Variants in LRRIQ3 observed in about 807,000 individuals in gnomAD.
LRRIQ3 encodes leucine rich repeats and IQ motif containing 3, also known as leucine-rich repeat and IQ domain-containing protein 3.
In LRRIQ3, 75 loss-of-function variants were observed where a neutral mutation model predicts 59.3. The observed-to-expected ratio is 1.26, with a 90% CI of 1.05 to 1.53. LRRIQ3 has a LOEUF of 1.53. LRRIQ3 is among the 40% of genes most tolerant of loss of function. The pLI is 0.00. For missense variants in LRRIQ3, 831 were observed against 710.0 expected, an observed-to-expected ratio of 1.17 and a Z score of -1.94; for synonymous variants, 250 against 231.3, an observed-to-expected ratio of 1.08 and a Z score of -0.73.
intron 6 of LRRIQ3, among the ~76,000 whole-genome samples, chr1:74,064,924 T>C (rs922223862): frequency 5.9e-5 from 9 of 152,114 alleles, no homozygotes; most frequent in African/African-American, 2.2e-4. Flanking sequence ...TTTGTATTTA[T>C]CTTATTTGGA....
chr1:74,028,932 T>G (rs1220737015), intron 7 of LRRIQ3, among the ~76,000 whole-genome samples: 1 of 151,976 alleles, frequency 6.6e-6, no homozygotes, highest in Non-Finnish European at 1.5e-5. Flanking sequence ...ATCTTGCACA[T>G]GTAATTAAGG....
chr1:74,043,553 C>T (rs1654112337), intron 6 of LRRIQ3, among the ~76,000 whole-genome samples: 1 of 152,130 alleles, frequency 6.6e-6, no homozygotes, highest in Non-Finnish European at 1.5e-5. Flanking sequence ...GAAATAAACA[C>T]TAAATATGTG....
intron 1 of LRRIQ3, among the ~76,000 whole-genome samples, chr1:74,197,219 AAG>A (rs1651235585): frequency 6.6e-6 from 1 of 152,218 alleles, no homozygotes; most frequent in African/African-American, 2.4e-5. Flanking sequence ...AATTTATGAC[AAG>A]AGTTTATGGT....
chr1:74,131,221 A>G (rs1369853528), intron 4 of LRRIQ3, among the ~76,000 whole-genome samples: 1 of 152,124 alleles, frequency 6.6e-6, no homozygotes, highest in Non-Finnish European at 1.5e-5. Context: ...TCTGAAATTG[A>G]GGTAATAATT....
chr1:74,105,492 A>G (rs912165339), intron 5 of LRRIQ3, among the ~76,000 whole-genome samples: 1 of 151,868 alleles, frequency 6.6e-6, no homozygotes, highest in Admixed American at 6.6e-5. Flanking sequence ...GCCTCAATTA[A>G]TCTATCCACC....
rs554240314 is a variant in LRRIQ3, at chr1:74,086,240, C to T, written c.868-11450G>A. The stretch of plus-strand genomic sequence containing the variant: ...TTCAAACTTGACATCTGCCTTGAGC[C>T]ATTTCCTAAGCCTCTATTCTACCTA... On this transcript the variant is annotated intron_variant, in intron 5 of 7. Coordinates refer to ENST00000354431, the MANE Select transcript of LRRIQ3 (RefSeq NM_001105659.2). Among the ~76,000 whole-genome samples the T allele has an allele frequency of 2.6e-5, 4 of 152,210 alleles. No homozygotes were observed. The South Asian group carries it at 8.3e-4, about 32-fold the overall frequency.
At chr1:74,090,749 C>A (rs1435693329) in intron 5 of LRRIQ3, among the ~76,000 whole-genome samples, 1 of 151,482 alleles carries the variant, frequency 6.6e-6, no homozygotes, top group African/African-American at 2.4e-5. Flanking sequence ...TTTAACTTAG[C>A]TGGGTGTGGG....
chr1:74,058,587 G>T (rs1027613930), intron 6 of LRRIQ3, among the ~76,000 whole-genome samples: 5 of 152,004 alleles, frequency 3.3e-5, no homozygotes, highest in Non-Finnish European at 5.9e-5. Flanking sequence ...AAGGGAAATA[G>T]TCAGAGGTTG....
chr1:74,087,047 G>T (rs946668691), intron 5 of LRRIQ3, among the ~76,000 whole-genome samples: 8 of 152,044 alleles, frequency 5.3e-5, no homozygotes, highest in African/African-American at 1.9e-4. Context: ...TTATATGGAA[G>T]ATTAAATAAT....
At chr1:74,054,036 T>C (rs186070046) in intron 6 of LRRIQ3, among the ~76,000 whole-genome samples, 1 of 152,260 alleles carries the variant, frequency 6.6e-6, no homozygotes, top group East Asian at 1.9e-4. Context: ...ATTGAAAACT[T>C]TGAAAACTTG....
chr1:74,148,819 A>C (rs1647741826), intron 4 of LRRIQ3, among the ~76,000 whole-genome samples: 1 of 152,158 alleles, frequency 6.6e-6, no homozygotes, highest in Admixed American at 6.6e-5. Context: ...TCACCTAGGA[A>C]TTCTGTCTAC....
chr1:74,031,711 T>G (rs961549832), intron 7 of LRRIQ3, among the ~76,000 whole-genome samples: 1 of 151,994 alleles, frequency 6.6e-6, no homozygotes, highest in East Asian at 1.9e-4. Flanking sequence ...TGTATACATA[T>G]GTAACAAACC....
At chr1:74,058,002 A>T (rs775034205) in intron 6 of LRRIQ3, among the ~76,000 whole-genome samples, 1 of 151,424 alleles carries the variant, frequency 6.6e-6, no homozygotes, top group African/African-American at 2.5e-5. Context: ...AGGAAAATGC[A>T]AATCAAAACA....
chr1:74,076,953 C>T (rs1646216533), intron 5 of LRRIQ3, among the ~76,000 whole-genome samples: 1 of 152,058 alleles, frequency 6.6e-6, no homozygotes, highest in East Asian at 1.9e-4. Context: ...ATTCTCTTTA[C>T]ATTTAAAAAT....
At chr1:74,193,394 C>T (rs1306853566) in intron 1 of LRRIQ3, among the ~76,000 whole-genome samples, 1 of 152,068 alleles carries the variant, frequency 6.6e-6, no homozygotes, top group Admixed American at 6.6e-5. Flanking sequence ...TAAAAATTAT[C>T]CTACATTTTA....
At chr1:74,183,154 T>G (rs568100836) in intron 2 of LRRIQ3, 1 of 317,934 alleles carries the variant, frequency 3.1e-6, no homozygotes, top group East Asian at 5.7e-5. Flanking sequence ...TAAAATACTT[T>G]CCTTACCTAA....
At chr1:74,192,288 C>T (rs998875953) in intron 1 of LRRIQ3, among the ~76,000 whole-genome samples, 2 of 151,998 alleles carry the variant, frequency 1.3e-5, no homozygotes, top group African/African-American at 4.8e-5. Flanking sequence ...AGGTTTGTTA[C>T]AAAAGTATAT....
chr1:74,106,551 A>G (rs1646616485), intron 5 of LRRIQ3, among the ~76,000 whole-genome samples: 1 of 152,034 alleles, frequency 6.6e-6, no homozygotes, highest in Non-Finnish European at 1.5e-5. Context: ...CCAACAAAGT[A>G]TAGGTAATAA....
Position 74,183,533 on chromosome 1 carries a change from G to A in LRRIQ3, c.152C>T (p.Ser51Phe), listed in dbSNP as rs778086203. Residue 51 changes from serine to phenylalanine, a missense_variant, in exon 2 of 8, where the codon TCT becomes TTT. By Grantham distance (155) the Ser-to-Phe change is radical (BLOSUM62 -2). Transcript: ENST00000354431. ...KSMENLQSCI[S>F]LRVCIFSNNF... ...GTTTGAGAAGATGCATACTCTAAGA[G>A]AGATGCAAGACTGCAAATTTTCCAT... 6.2e-7 allele frequency: 1 copy of A among 1,611,942 alleles called. No homozygotes were observed. Among genetic ancestry groups the A allele is most frequent in the Non-Finnish European group, 8.5e-7 (1 of 1,178,732 alleles).
Sources: allele counts gnomAD v4.1 joint callset (sites outside exome capture counted in the v4.1 genomes callset), GRCh38; gene constraint gnomAD v4.1.1; transcripts MANE v1.5; gene names NCBI Gene and HGNC (gene_info 2026-07-23, HGNC 2026-07-21).